Variants in NXPH2 observed in about 807,000 individuals in gnomAD.
NXPH2 encodes the protein neurexophilin 2.
In NXPH2, 5 loss-of-function variants were observed where a neutral mutation model predicts 19.8. That is an observed-to-expected ratio of 0.25 (90% CI 0.13 to 0.53). The LOEUF is 0.53. NXPH2 is among the 20% of genes least tolerant of loss of function. The pLI is 0.96. For missense variants in NXPH2, 289 were observed against 322.8 expected, an observed-to-expected ratio of 0.90 and a Z score of 0.80; for synonymous variants, 154 against 127.4, an observed-to-expected ratio of 1.21 and a Z score of -1.41.
At chr2:138,681,985 T>C (rs1413954941) in intron 1 of NXPH2, among the ~76,000 whole-genome samples, 1 of 152,144 alleles carries the variant, frequency 6.6e-6, no homozygotes, top group Non-Finnish European at 1.5e-5. Context: ...CAGATCCCTT[T>C]ACAGTTGAAG....
intron 1 of NXPH2, among the ~76,000 whole-genome samples, chr2:138,770,283 G>A (rs1447016904): frequency 6.6e-6 from 1 of 151,956 alleles, no homozygotes; most frequent in East Asian, 1.9e-4. Context: ...AATCTGGCAT[G>A]TTTCACTTTA....
chr2:138,686,026 A>C (rs1680645674), intron 1 of NXPH2, among the ~76,000 whole-genome samples: 1 of 152,196 alleles, frequency 6.6e-6, no homozygotes, highest in Non-Finnish European at 1.5e-5. Flanking sequence ...CAAAAATTGA[A>C]AAAATAAATC....
chr2:138,697,124 G>A (rs1680840162), intron 1 of NXPH2, among the ~76,000 whole-genome samples: 1 of 152,028 alleles, frequency 6.6e-6, no homozygotes, highest in Non-Finnish European at 1.5e-5. Context: ...TCTAGAATAG[G>A]CAAAACTCAT....
At chr2:138,738,664 A>G (rs948466143) in intron 1 of NXPH2, among the ~76,000 whole-genome samples, 1 of 152,348 alleles carries the variant, frequency 6.6e-6, no homozygotes, top group Non-Finnish European at 1.5e-5. Context: ...AGGAAATCAA[A>G]GCACTCAAGT....
At chr2:138,726,246 C>T (rs540718736) in intron 1 of NXPH2, among the ~76,000 whole-genome samples, 8 of 152,090 alleles carry the variant, frequency 5.3e-5, no homozygotes, top group Admixed American at 3.3e-4. Context: ...GATTTCACCA[C>T]GTTGGCCAGG....
intron 1 of NXPH2, among the ~76,000 whole-genome samples, chr2:138,701,625 A>C (rs1573959313): frequency 6.6e-6 from 1 of 152,152 alleles, no homozygotes; most frequent in African/African-American, 2.4e-5. Context: ...GCTTGGAGGG[A>C]TCAGATTCTG....
At chr2:138,680,220 G>A (rs1304035218) in intron 1 of NXPH2, among the ~76,000 whole-genome samples, 1 of 152,104 alleles carries the variant, frequency 6.6e-6, no homozygotes, top group African/African-American at 2.4e-5. Flanking sequence ...CTCTGAGCTT[G>A]GTTTTCTTAA....
intron 1 of NXPH2, among the ~76,000 whole-genome samples, chr2:138,719,248 T>TA (rs1273128165): frequency 6.6e-6 from 1 of 151,664 alleles, no homozygotes; most frequent in Non-Finnish European, 1.5e-5. Flanking sequence ...ATACTTAAGG[T>TA]AAAAAAAAGA....
At chr2:138,677,550 G>A (rs1680502867) in intron 1 of NXPH2, among the ~76,000 whole-genome samples, 2 of 152,158 alleles carry the variant, frequency 1.3e-5, no homozygotes, top group Admixed American at 1.3e-4. Context: ...GAATAAGACT[G>A]TATTTCATTT....
chr2:138,728,985 G>T (rs1681403464), intron 1 of NXPH2, among the ~76,000 whole-genome samples: 1 of 152,046 alleles, frequency 6.6e-6, no homozygotes, highest in East Asian at 1.9e-4. Context: ...AATTTTCTAG[G>T]GTCAAATAGA....
chr2:138,748,810 G>A (rs1681782560), intron 1 of NXPH2, among the ~76,000 whole-genome samples: 1 of 152,098 alleles, frequency 6.6e-6, no homozygotes, highest in African/African-American at 2.4e-5. Context: ...ACAAAGCAGA[G>A]CACCTGAAGT....
intron 1 of NXPH2, among the ~76,000 whole-genome samples, chr2:138,711,058 C>G (rs180871979): frequency 1.3e-5 from 2 of 150,666 alleles, no homozygotes; most frequent in African/African-American, 4.9e-5. Flanking sequence ...GTTATCGCTG[C>G]ACCATTCTAT....
At chr2:138,695,799 G>A (rs1012568124) in intron 1 of NXPH2, among the ~76,000 whole-genome samples, 17 of 152,070 alleles carry the variant, frequency 1.1e-4, no homozygotes, top group Admixed American at 1.0e-3. Context: ...ACAATTCATA[G>A]ACAAGATATA....
chr2:138,735,535 T>C (rs1020939483), intron 1 of NXPH2, among the ~76,000 whole-genome samples: 11 of 152,106 alleles, frequency 7.2e-5, no homozygotes, highest in South Asian at 4.1e-4. Context: ...TTATCTCCCA[T>C]TGGGTCTCTC....
intron 1 of NXPH2, among the ~76,000 whole-genome samples, chr2:138,737,170 C>T (rs1015002833): frequency 6.6e-6 from 1 of 152,188 alleles, no homozygotes; most frequent in Non-Finnish European, 1.5e-5. Context: ...GGGCATCCTA[C>T]TCCTGGTACC....
At chr2:138,755,024 T>A (rs1018268865) in intron 1 of NXPH2, among the ~76,000 whole-genome samples, 3 of 152,180 alleles carry the variant, frequency 2.0e-5, no homozygotes, top group Admixed American at 6.5e-5. Flanking sequence ...TATGATTAGG[T>A]ATCAGATCTT....
chr2:138,689,572 C>T (rs1680714975), intron 1 of NXPH2, among the ~76,000 whole-genome samples: 1 of 152,178 alleles, frequency 6.6e-6, no homozygotes, highest in Non-Finnish European at 1.5e-5. Context: ...TTATTCAGAT[C>T]AGTCCCAGTT....
intron 1 of NXPH2, among the ~76,000 whole-genome samples, chr2:138,757,209 T>G (rs1573979984): frequency 6.6e-6 from 1 of 152,134 alleles, no homozygotes; most frequent in East Asian, 1.9e-4. Flanking sequence ...AACAATGGCC[T>G]TGTAATGGTA....
chr2:138,740,124 C>T (rs996123195), intron 1 of NXPH2, among the ~76,000 whole-genome samples: 2 of 152,118 alleles, frequency 1.3e-5, no homozygotes, highest in African/African-American at 4.8e-5. Flanking sequence ...CACACTGGAA[C>T]ATTAGGGCCA....
Sources: gnomAD v4.1 joint callset for allele counts (sites outside exome capture counted in the v4.1 genomes callset) on GRCh38, gnomAD v4.1.1 for gene constraint, MANE v1.5 for transcripts, NCBI Gene and HGNC (gene_info 2026-07-23, HGNC 2026-07-21) for gene names.